The following CNOT6L variants were observed in gnomAD, a reference collection of about 807,000 sequenced individuals.
The protein encoded by CNOT6L is CCR4-NOT transcription complex subunit 6-like.
CNOT6L carries 7 observed loss-of-function variants against 64.0 expected under a neutral mutation model. That is an observed-to-expected ratio of 0.11 (90% CI 0.06 to 0.21). The LOEUF (loss-of-function observed/expected upper bound fraction) is 0.21, where lower values mean the gene tolerates loss of function less well. Ranked by LOEUF, CNOT6L falls within the 10% of genes least tolerant of loss-of-function variation. The probability of loss-of-function intolerance (pLI) is 1.00; values close to 1 mark genes in which losing one functional copy is unlikely to be tolerated. For missense variants in CNOT6L, 245 were observed against 669.0 expected, an observed-to-expected ratio of 0.37 and a Z score of 6.99; for synonymous variants, 193 against 243.4, an observed-to-expected ratio of 0.79 and a Z score of 1.93.
chr4:77,757,018 T>C (rs1284342717), intron 4 of CNOT6L, 67 bp from the exon 5 acceptor site: 1 of 683,172 alleles, frequency 1.5e-6, no homozygotes, highest in Non-Finnish European at 2.4e-6. Flanking sequence ...AAATGTATAC[T>C]ATAAAATAAA....
intron 1 of CNOT6L, among the ~76,000 whole-genome samples, chr4:77,776,781 T>C (rs1396641945): frequency 1.3e-5 from 2 of 152,246 alleles, no homozygotes. Flanking sequence ...AGATATCCCA[T>C]GCCTAAGACA....
At chr4:77,723,089 T>C (rs780507645) in intron 11 of CNOT6L, among the ~76,000 whole-genome samples, 23 of 152,204 alleles carry the variant, frequency 1.5e-4, no homozygotes, top group Non-Finnish European at 2.5e-4. Flanking sequence ...AAATAAAAGC[T>C]GCCCTTCCTT....
chr4:77,807,381 T>TAA (rs1032655951), intron 1 of CNOT6L, among the ~76,000 whole-genome samples: 1 of 147,366 alleles, frequency 6.8e-6, no homozygotes, highest in African/African-American at 2.5e-5. Context: ...CTCCATCTCT[T>TAA]AAAAAAAAAA....
At chr4:77,805,061 G>T (rs1040085315) in intron 1 of CNOT6L, among the ~76,000 whole-genome samples, 1 of 151,684 alleles carries the variant, frequency 6.6e-6, no homozygotes, top group Non-Finnish European at 1.5e-5. Context: ...GTATATAGAG[G>T]GCCAATTTTT....
rs1720559965 is a variant in CNOT6L at position 77,714,654 on chromosome 4, G to A, written c.*5777C>T. ...CATAGTGCACATCTCAGTGCTGCTGGTGTTTAAGAAATTTGTCACTCATAA... is the reference window on the plus strand; with the variant it reads ...CATAGTGCACATCTCAGTGCTGCTGATGTTTAAGAAATTTGTCACTCATAA... On this transcript the variant is annotated 3_prime_UTR_variant, in exon 12 of 12. Coordinates refer to ENST00000504123, the MANE Select transcript of CNOT6L (RefSeq NM_144571.3). 1 of 152,476 alleles carries A rather than the reference G, an allele frequency of 6.6e-6. No individual in the cohort carries two copies. Among genetic ancestry groups the A allele is most frequent in the African/African-American group, 2.4e-5 (1 of 41,404 alleles). 9.4% of individuals were successfully genotyped at this position (152,476 alleles called of 1,614,324 possible). A position where few individuals can be genotyped will look rare whatever the true frequency, so the allele number is the denominator to read the frequency against.
At position 77,717,486 on chromosome 4, in the gene CNOT6L, ATTTTC is replaced by A. The variant is rs751623941; in HGVS notation, c.*2940_*2944del. The A allele has an allele frequency of 2.6e-4, 39 of 152,494 alleles. No homozygotes were observed. Among genetic ancestry groups the A allele is most frequent in the South Asian group, 1.0e-3 (5 of 4,826 alleles). The allele number at this position is 152,494 out of a possible 1,614,324, so 9.4% of individuals were successfully genotyped here. A position where few individuals can be genotyped will look rare whatever the true frequency, so the allele number is the denominator to read the frequency against. On this transcript the variant is annotated 3_prime_UTR_variant, in exon 12 of 12. Coordinates refer to ENST00000504123, the MANE Select transcript of CNOT6L (RefSeq NM_144571.3). ...TGTATCACATTCTAAAAATGCCCAG[ATTTTC>A]TTTTATCTTCTGATTAAAATATGCA... is the stretch of plus-strand genomic sequence containing the variant.
At chr4:77,721,085 C>T (rs1721226153) in intron 11 of CNOT6L, among the ~76,000 whole-genome samples, 1 of 152,162 alleles carries the variant, frequency 6.6e-6, no homozygotes, top group Non-Finnish European at 1.5e-5. Context: ...GATATCCAAA[C>T]ACACCTGACT....
chr4:77,760,961 C>T (rs1465101904), intron 4 of CNOT6L, among the ~76,000 whole-genome samples: 4 of 146,652 alleles, frequency 2.7e-5, no homozygotes, highest in Admixed American at 7.0e-5. Flanking sequence ...CGTCATCTGC[C>T]CACCTCGGCC....
At chr4:77,720,763 T>C (rs973520597) in intron 11 of CNOT6L, 120 bp from the exon 12 acceptor site, 2 of 945,912 alleles carry the variant, frequency 2.1e-6, no homozygotes, top group East Asian at 5.2e-5. Context: ...GTCTTGATAG[T>C]GGGTCAAATA....
At chr4:77,747,739 G>A (rs1042700342) in intron 6 of CNOT6L, among the ~76,000 whole-genome samples, 11 of 152,084 alleles carry the variant, frequency 7.2e-5, no homozygotes, top group Admixed American at 7.2e-4. Flanking sequence ...CATTACTTCA[G>A]TTCTAGAAAT....
chr4:77,808,477 AAAAAG>A (rs1438361685), intron 1 of CNOT6L, among the ~76,000 whole-genome samples: 1 of 151,762 alleles, frequency 6.6e-6, no homozygotes, highest in Admixed American at 6.6e-5. Flanking sequence ...AAAAAAAAAA[AAAAAG>A]AGAAGAGAAA....
chr4:77,726,429 A>C (rs1721854220), intron 10 of CNOT6L, 60 bp from the exon 11 acceptor site: 1 of 1,327,724 alleles, frequency 7.5e-7, no homozygotes, highest in South Asian at 1.3e-5. Context: ...AAGGCTTCAC[A>C]GCCAAGACTT....
At chr4:77,779,687 G>C (rs1311283946) in intron 1 of CNOT6L, among the ~76,000 whole-genome samples, 1 of 152,178 alleles carries the variant, frequency 6.6e-6, no homozygotes, top group African/African-American at 2.4e-5. Context: ...AAGGCTGGGC[G>C]CAGTGGCTCA....
At position 77,816,691 on chromosome 4, in the gene CNOT6L, T is replaced by C. The variant is rs549193935; in HGVS notation, c.5+2613A>G. The stretch of plus-strand genomic sequence containing the variant: ...TAATATTTTTTAAAGCTTATCATTA[T>C]TGATACAAATAAATTACGTAAGCCC... On this transcript the variant is annotated intron_variant, in intron 1 of 11. Transcript: ENST00000504123. Among the ~76,000 whole-genome samples the C allele has an allele frequency of 9.8e-5, 15 of 152,308 alleles. No individual in the cohort carries two copies. In the South Asian group the frequency reaches 3.1e-3, roughly 32 times the overall value.
At chr4:77,741,839 T>A (rs1257538109) in intron 8 of CNOT6L, among the ~76,000 whole-genome samples, 1 of 152,178 alleles carries the variant, frequency 6.6e-6, no homozygotes, top group African/African-American at 2.4e-5. Flanking sequence ...CACTTTCTTT[T>A]TTTACACAAA....
upstream of CNOT6L, chr4:77,819,396 GC>G: frequency 1.1e-5 from 17 of 1,604,512 alleles, no homozygotes; most frequent in East Asian, 1.3e-4. Context: ...CGCGCACCAG[GC>G]CCCCACAGAT....
chr4:77,742,435 T>C (rs1375628398), intron 7 of CNOT6L, 140 bp from the exon 8 acceptor site: 3 of 846,250 alleles, frequency 3.5e-6, no homozygotes, highest in Non-Finnish European at 5.8e-6. Flanking sequence ...TCTTACCTGA[T>C]TGCTAGCAGC....
At chr4:77,747,417 C>T (rs981427568) in intron 6 of CNOT6L, among the ~76,000 whole-genome samples, 1 of 152,196 alleles carries the variant, frequency 6.6e-6, no homozygotes, top group African/African-American at 2.4e-5. Flanking sequence ...ATCTGCCCGC[C>T]TTGGCCTCCC....
In CNOT6L at chr4:77,759,896, G is replaced by A. The variant is rs375595627; in HGVS notation, c.401-2945C>T. Among the ~76,000 whole-genome samples the A allele has an allele frequency of 5.2e-4, 79 of 152,106 alleles. 2 individuals carry two copies. In the East Asian group the frequency reaches 0.011, roughly 22 times the overall value. ...CATTCACCAGTGAGACCATATTCTG[G>A]GCCAGAAAACAAACTGTAACAGATT... On this transcript the variant is annotated intron_variant, in intron 4 of 11. Transcript: ENST00000504123.
Sources: allele counts gnomAD v4.1 joint callset (sites outside exome capture counted in the v4.1 genomes callset), GRCh38; gene constraint gnomAD v4.1.1; transcripts MANE v1.5; gene names NCBI Gene and HGNC (gene_info 2026-07-23, HGNC 2026-07-21).